USH2A: variants seen among roughly 807,000 people sequenced by gnomAD.
USH2A encodes usherin.
Under a neutral mutation model 538.9 loss-of-function variants are expected in USH2A, and 443 were observed. The ratio of observed to expected loss-of-function variants is 0.82; its 90% confidence interval spans 0.76 to 0.89. The LOEUF (loss-of-function observed/expected upper bound fraction) is 0.89. Among genes scored for constraint, USH2A ranks in the 40% least tolerant of loss-of-function variants. The pLI is 0.00. For synonymous variants in USH2A, 2,413 were observed against 2,273.5 expected (o/e 1.06, Z -1.75); for missense variants, 6,633 against 6,324.8 (o/e 1.05, Z -1.65).
intron 54 of USH2A, 45 bp from the exon 55 acceptor site, chr1:215,780,086 T>G: frequency 1.5e-4 from 222 of 1,508,996 alleles, no homozygotes; most frequent in Non-Finnish European, 1.9e-4. Context: ...AATAGTGCAC[T>G]AGCTATCCTG....
At chr1:216,105,325 T>G (rs951997424) in intron 21 of USH2A, among the ~76,000 whole-genome samples, 10 of 151,588 alleles carry the variant, frequency 6.6e-5, no homozygotes, top group Non-Finnish European at 1.3e-4. Flanking sequence ...CAAATTAAAT[T>G]GTATGCATGA....
chr1:216,304,447 C>A (rs2037275257), intron 9 of USH2A, among the ~76,000 whole-genome samples: 1 of 151,918 alleles, frequency 6.6e-6, no homozygotes, highest in Non-Finnish European at 1.5e-5. Context: ...GACAGCAAAT[C>A]TAGCACTAAT....
At chr1:215,794,775 A>G (rs573266457) in intron 50 of USH2A, among the ~76,000 whole-genome samples, 18 of 152,300 alleles carry the variant, frequency 1.2e-4, no homozygotes, top group Middle Eastern at 6.8e-3. Flanking sequence ...GAAATGTTTG[A>G]CTGGCATGCG....
intron 9 of USH2A, among the ~76,000 whole-genome samples, chr1:216,294,458 T>C (rs957470619): frequency 6.6e-6 from 1 of 151,998 alleles, no homozygotes; most frequent in African/African-American, 2.4e-5. Context: ...ACATCATGTA[T>C]TTTGCTGCAT....
At chr1:216,377,842 AGAAAGAAAGAAAGAAAGAAAGAAAGAAG>A (rs1350434258) in intron 3 of USH2A, among the ~76,000 whole-genome samples, 16 of 123,224 alleles carry the variant, frequency 1.3e-4, no homozygotes, top group East Asian at 1.2e-3. Flanking sequence ...AAAGAAAGAA[AGAAAGAAAGAAAGAAAGAAAGAAAGAAG>A]GAAAGAAAGA....
intron 20 of USH2A, among the ~76,000 whole-genome samples, chr1:216,187,504 A>G (rs139252207): frequency 8.5e-5 from 13 of 152,076 alleles, no homozygotes; most frequent in African/African-American, 2.9e-4. Context: ...CATACTTCTT[A>G]CAGAAATAAT....
At chr1:215,831,461 C>G (rs979280536) in intron 47 of USH2A, among the ~76,000 whole-genome samples, 2 of 151,860 alleles carry the variant, frequency 1.3e-5, no homozygotes, top group African/African-American at 4.8e-5. Flanking sequence ...TATTCTGGGC[C>G]CTGAAAAAAC....
At chr1:216,375,453 A>G (rs985169603) in intron 3 of USH2A, among the ~76,000 whole-genome samples, 5 of 152,030 alleles carry the variant, frequency 3.3e-5, no homozygotes, top group African/African-American at 1.2e-4. Flanking sequence ...TTGTGAACCA[A>G]TCTCTGCTAG....
At chr1:216,141,139 G>A (rs1288502844) in intron 21 of USH2A, among the ~76,000 whole-genome samples, 2 of 152,116 alleles carry the variant, frequency 1.3e-5, no homozygotes, top group Non-Finnish European at 2.9e-5. Context: ...TTTGGTGTGC[G>A]GAAAAAGTAA....
chr1:215,627,822 C>G (rs570780566), intron 71 of USH2A, among the ~76,000 whole-genome samples: 16 of 152,316 alleles, frequency 1.1e-4, no homozygotes, highest in Non-Finnish European at 2.1e-4. Context: ...GCCACTGTGC[C>G]TGGCCTATCT....
intron 44 of USH2A, among the ~76,000 whole-genome samples, chr1:215,862,287 C>A (rs1018236276): frequency 3.3e-5 from 5 of 151,998 alleles, no homozygotes; most frequent in African/African-American, 1.2e-4. Flanking sequence ...AGCTGGAAAC[C>A]ATCATTCTCA....
chr1:216,294,789 A>G (rs1218131316), intron 9 of USH2A, among the ~76,000 whole-genome samples: 1 of 151,908 alleles, frequency 6.6e-6, no homozygotes, highest in African/African-American at 2.4e-5. Context: ...TTACTGTTTT[A>G]GTATTTATGT....
intron 14 of USH2A, among the ~76,000 whole-genome samples, 167 bp downstream of exon 14, chr1:216,231,786 C>G (rs778167095): frequency 7.9e-5 from 12 of 152,088 alleles, no homozygotes; most frequent in Non-Finnish European, 1.8e-4. Context: ...GACCTCGGAC[C>G]TCGTGATCCG....
intron 21 of USH2A, among the ~76,000 whole-genome samples, chr1:216,128,701 A>C (rs1218494292): frequency 6.6e-6 from 1 of 152,122 alleles, no homozygotes; most frequent in East Asian, 1.9e-4. Flanking sequence ...AAATCAGGAT[A>C]ATTGGGATAT....
rs527236122 is a variant in USH2A, at chr1:215,634,523, G to C, written c.15233C>G (p.Pro5078Arg). The change falls in exon 70 of 72, where the codon CCC becomes CGC. Residue 5078 changes from proline (P) to arginine (R), a missense_variant. Transcript: ENST00000307340. ...HKEPYIRERPPLVPLQKRMSP... is the reference protein window; with the variant it reads ...HKEPYIRERPRLVPLQKRMSP... ...CATCCTCTTCTGAAGAGGTACCAAGGGAGGTCTTTCTCTGATATATGGCTC... is the reference window on the plus strand; with the variant it reads ...CATCCTCTTCTGAAGAGGTACCAAGCGAGGTCTTTCTCTGATATATGGCTC... The C allele has an allele frequency of 6.7e-5, 108 of 1,614,154 alleles. No homozygotes were observed. In the East Asian group the frequency reaches 2.4e-3, roughly 35 times the overall value.
intron 61 of USH2A, among the ~76,000 whole-genome samples, chr1:215,720,630 G>T (rs1659629163): frequency 6.6e-6 from 1 of 152,128 alleles, no homozygotes; most frequent in South Asian, 2.1e-4. Flanking sequence ...CAATCCTAGT[G>T]GGTGCCAAGA....
At chr1:216,277,945 G>A (rs1425968791) in intron 11 of USH2A, among the ~76,000 whole-genome samples, 1 of 152,046 alleles carries the variant, frequency 6.6e-6, no homozygotes, top group Non-Finnish European at 1.5e-5. Flanking sequence ...GGTTATATGA[G>A]CAACAAATGA....
At chr1:215,879,676 T>C (rs1337663603) in intron 41 of USH2A, among the ~76,000 whole-genome samples, 1 of 152,222 alleles carries the variant, frequency 6.6e-6, no homozygotes, top group African/African-American at 2.4e-5. Flanking sequence ...GGATAAGGAA[T>C]GTATAGAAAG....
chr1:216,338,144 A>G (rs899126999), intron 4 of USH2A, among the ~76,000 whole-genome samples: 11 of 151,502 alleles, frequency 7.3e-5, no homozygotes, highest in African/African-American at 2.7e-4. Context: ...AAACATTTTT[A>G]TATAAACTGA....
Sources: allele counts gnomAD v4.1 joint callset (sites outside exome capture counted in the v4.1 genomes callset), GRCh38; gene constraint gnomAD v4.1.1; transcripts MANE v1.5; gene names NCBI Gene and HGNC (gene_info 2026-07-23, HGNC 2026-07-21).